Variants in THBS2 observed in about 807,000 individuals in gnomAD.
The protein encoded by THBS2 is thrombospondin 2.
THBS2 carries 47 observed loss-of-function variants against 135.2 expected under a neutral mutation model. The observed-to-expected ratio is 0.35, with a 90% confidence interval of 0.28 to 0.44. The LOEUF (loss-of-function observed/expected upper bound fraction) is 0.44. Among genes scored for constraint, THBS2 ranks in the 20% least tolerant of loss-of-function variants. The probability of loss-of-function intolerance (pLI) is 1.00; values close to 1 mark genes in which losing one functional copy is unlikely to be tolerated. For synonymous variants in THBS2, 639 were observed against 633.8 expected (o/e 1.01, Z -0.12); for missense variants, 1,288 against 1,603.1 (o/e 0.80, Z 3.36).
rs1022371297 is a variant in THBS2, at chr6:169,215,881, G to A, written c.*1941C>T. 1 of 152,554 alleles carries A rather than the reference G, an allele frequency of 6.6e-6. No individual in the cohort carries two copies. Among genetic ancestry groups the A allele is most frequent in the Admixed American group, 6.5e-5 (1 of 15,284 alleles). The allele number at this position is 152,554 out of a possible 1,614,324, so 9.5% of individuals were successfully genotyped here. On this transcript the variant is annotated 3_prime_UTR_variant, in exon 22 of 22. Transcript: ENST00000617924. ...GTTTCAGTGGTGAAATTTTGACCAT[G>A]TGAACACATAAATAAATATTTACAG...
chr6:169,217,691 A>C lies in THBS2; in HGVS notation c.*131T>G, dbSNP rs971951203. 9.9e-6 allele frequency: 10 copies of C among 1,014,648 alleles called. No homozygotes were observed. The African/African-American group carries it at 1.1e-4, about 12-fold the overall frequency. 62.9% of individuals were successfully genotyped at this position (1,014,648 alleles called of 1,614,324 possible). ...GTTTGGGGTTGCTGGCAGGAGGTGA[A>C]GAACCATCAGAGTTAAGGTCAAGGG... On this transcript the variant is annotated 3_prime_UTR_variant, in exon 22 of 22. Transcript: ENST00000617924.
chr6:169,222,137 A>T, intron 19 of THBS2, 60 bp downstream of exon 19: 1 of 1,522,798 alleles, frequency 6.6e-7, no homozygotes. Context: ...AGTCCTGCTG[A>T]AACACTCTGC....
chr6:169,228,000 G>T, intron 15 of THBS2, 122 bp downstream of exon 15: 3 of 1,246,268 alleles, frequency 2.4e-6, no homozygotes, highest in Non-Finnish European at 3.2e-6. Flanking sequence ...AGACTCACTT[G>T]AACCCAAAAG....
intron 13 of THBS2, among the ~76,000 whole-genome samples, chr6:169,231,269 A>T (rs1278808124): frequency 1.3e-5 from 2 of 152,198 alleles, no homozygotes; most frequent in African/African-American, 4.8e-5. Context: ...TCCGGAGAGA[A>T]AGGCACTGGA....
At chr6:169,225,879 T>C (rs1779608769) in intron 16 of THBS2, among the ~76,000 whole-genome samples, 1 of 152,264 alleles carries the variant, frequency 6.6e-6, no homozygotes, top group African/African-American at 2.4e-5. Flanking sequence ...TGAAGGCGTC[T>C]ATTCATTTGG....
intron 9 of THBS2, among the ~76,000 whole-genome samples, chr6:169,236,480 CCA>C (rs1780080172): frequency 1.3e-5 from 1 of 76,572 alleles, no homozygotes; most frequent in South Asian, 7.3e-4. Flanking sequence ...CACTCCCCAT[CCA>C]CACTCACTCT....
rs2115017885 is a variant in THBS2, at chr6:169,241,747, T to C, written c.891+15A>G. The C allele has an allele frequency of 1.3e-6, 2 of 1,590,814 alleles. No individual in the cohort carries two copies. Among genetic ancestry groups the C allele is most frequent in the Non-Finnish European group, 1.7e-6 (2 of 1,163,112 alleles). On this transcript the variant is annotated intron_variant, in intron 5 of 21. Transcript: ENST00000617924. The surrounding 1 kb of genome is among the most constrained non-coding windows in gnomAD (Gnocchi z 5.5). ...CATGCCCTATGACCCCCGCGGCCCC[T>C]GCGTGAGTACCCACCACTCTCTTGA...
chr6:169,223,578 A>C (rs571372379), intron 17 of THBS2, 103 bp from the exon 18 acceptor site: 345 of 907,110 alleles, frequency 3.8e-4, no homozygotes, highest in Non-Finnish European at 5.6e-4. Context: ...ACATGAGTGC[A>C]TCTTTCCCAG....
intron 5 of THBS2, 50 bp from the exon 6 acceptor site, chr6:169,240,642 T>C (rs535555278): frequency 6.3e-7 from 1 of 1,586,658 alleles, no homozygotes; most frequent in East Asian, 2.3e-5. Flanking sequence ...ACTACATATT[T>C]AGTCATCATG....
In THBS2 at chr6:169,216,438, C is replaced by T. The variant is rs529415979; in HGVS notation, c.*1384G>A. 1 of 151,786 alleles carries T rather than the reference C, an allele frequency of 6.6e-6. No individual in the cohort carries two copies. Among genetic ancestry groups the T allele is most frequent in the African/African-American group, 2.4e-5 (1 of 41,242 alleles). The allele number at this position is 151,786 out of a possible 1,614,324, so 9.4% of individuals were successfully genotyped here. On this transcript the variant is annotated 3_prime_UTR_variant, in exon 22 of 22. Coordinates refer to ENST00000617924, the MANE Select transcript of THBS2 (RefSeq NM_003247.5). ...AAAACAAACCAACCAACAAAAAAAA[C>T]AAAAACAAAAACAAACTTGTGCATA...
intron 7 of THBS2, among the ~76,000 whole-genome samples, chr6:169,239,060 G>A (rs1050445208): frequency 5.9e-5 from 9 of 152,270 alleles, no homozygotes; most frequent in South Asian, 2.1e-4. Context: ...GTCTCTGAAC[G>A]TGCACTGAGT....
At chr6:169,235,008 C>A in intron 9 of THBS2, 101 bp from the exon 10 acceptor site, 1 of 1,198,932 alleles carries the variant, frequency 8.3e-7, no homozygotes, top group Non-Finnish European at 1.1e-6. Flanking sequence ...ATGGTGTTCC[C>A]TACACAGCCC....
intron 8 of THBS2, 137 bp from the exon 9 acceptor site, chr6:169,237,483 G>A: frequency 1.3e-6 from 2 of 1,497,182 alleles, no homozygotes; most frequent in South Asian, 1.2e-5. Context: ...TCAGCTGGGA[G>A]AAAGAGCCTC....
rs10945403 is a variant in THBS2 at position 169,219,838 on chromosome 6, T to C, written c.3511+360A>G. ...TATAGAGAAACTCCTTCCTTCCTTC[T>C]TTCCTTCCTGCCTGCCTGCCATTGC... is the stretch of plus-strand genomic sequence containing the variant. On this transcript the variant is annotated intron_variant, in intron 21 of 21. Coordinates refer to ENST00000617924, the MANE Select transcript of THBS2 (RefSeq NM_003247.5). 4.8e-4 allele frequency: 255 copies of C among 536,216 alleles called. 4 individuals carry two copies. In the East Asian group the frequency reaches 6.0e-3, roughly 13 times the overall value. 33.2% of individuals were successfully genotyped at this position (536,216 alleles called of 1,614,324 possible).
chr6:169,237,011 C>T (rs921526068), intron 9 of THBS2, among the ~76,000 whole-genome samples, 159 bp downstream of exon 9: 7 of 152,236 alleles, frequency 4.6e-5, no homozygotes, highest in African/African-American at 1.2e-4. Flanking sequence ...GGTTCATTAC[C>T]GAGCCAGGCC....
At chr6:169,240,002 C>T (rs1465674266) in intron 6 of THBS2, among the ~76,000 whole-genome samples, 2 of 152,180 alleles carry the variant, frequency 1.3e-5, no homozygotes, top group Non-Finnish European at 2.9e-5. Flanking sequence ...AGCAGGAACT[C>T]CTGTTATCTA....
rs755709332 is a variant in THBS2, at chr6:169,237,779, C to A, written c.1146G>T (p.Glu382Asp). 6.2e-7 allele frequency: 1 copy of A among 1,610,662 alleles called. No homozygotes were observed. Among genetic ancestry groups the A allele is most frequent in the Admixed American group, 1.7e-5 (1 of 59,996 alleles). ...PSCLHSVDGEEGWSPWAEWTQ... is the reference protein window; with the variant it reads ...PSCLHSVDGEDGWSPWAEWTQ... ...TCCACTCTGCCCACGGAGACCAGCCCTCCTCACCGTCCACCGCTGCCAGAG... is the reference window on the plus strand; with the variant it reads ...TCCACTCTGCCCACGGAGACCAGCCATCCTCACCGTCCACCGCTGCCAGAG... The change falls in exon 8 of 22, where the codon GAG becomes GAT. Residue 382 changes from glutamate to aspartate, a missense_variant. This residue lies in a region of THBS2 where 874 missense variants were observed against 1,156.1 expected (regional missense o/e 0.76). Coordinates refer to ENST00000617924, the MANE Select transcript of THBS2 (RefSeq NM_003247.5).
chr6:169,247,371 A>G (rs969977546), intron 3 of THBS2, among the ~76,000 whole-genome samples: 1 of 151,620 alleles, frequency 6.6e-6, no homozygotes, highest in African/African-American at 2.4e-5. Context: ...GTTTGTATAC[A>G]CATGTGTGAT....
rs774432851 is a variant in THBS2 at position 169,222,160 on chromosome 6, G to A, written c.3273+37C>T. ...TGAAACACTCTGCAGCCACAGTGGT[G>A]CAGAGGAGATGTGTGGGCCTGGCCA... On this transcript the variant is annotated intron_variant, in intron 19 of 21. Transcript: ENST00000617924. 4 of 1,564,112 alleles carry A rather than the reference G, an allele frequency of 2.6e-6. No individual in the cohort carries two copies. The Admixed American group carries it at 6.9e-5, about 27-fold the overall frequency.
Sources: gnomAD v4.1 joint callset for allele counts (sites outside exome capture counted in the v4.1 genomes callset) on GRCh38, gnomAD v4.1.1 for gene constraint, gnomAD v4.1.1 regional missense constraint, Gnocchi (gnomAD v3.1) non-coding constraint, MANE v1.5 for transcripts, NCBI Gene and HGNC (gene_info 2026-07-23, HGNC 2026-07-21) for gene names.